Variants in ZNF624 observed in about 807,000 individuals in gnomAD.
ZNF624 encodes zinc finger protein 624.
A neutral mutation model predicts 74.7 loss-of-function variants in ZNF624; 43 were observed. The ratio of observed to expected loss-of-function variants is 0.58; its 90% CI spans 0.45 to 0.74. ZNF624 has a LOEUF of 0.74. ZNF624 is among the 30% of genes least tolerant of loss of function. The pLI, the probability that ZNF624 is intolerant of heterozygous loss-of-function variation, is 0.00. For synonymous variants in ZNF624, 331 were observed against 341.3 expected, an observed-to-expected ratio of 0.97 and a Z score of 0.33; for missense variants, 820 against 1,030.0, an observed-to-expected ratio of 0.80 and a Z score of 2.79.
Position 16,624,342 on chromosome 17 carries a change from G to T in ZNF624, c.544C>A (p.Gln182Lys), listed in dbSNP as rs1279572216. 6.2e-7 allele frequency: 1 copy of T among 1,613,582 alleles called. No individual in the cohort carries two copies. The highest frequency in any genetic ancestry group is 2.2e-5 in the East Asian group (1 of 44,862). The change falls in exon 6 of 6, where the codon CAG becomes AAG. Residue 182 changes from glutamine (Q) to lysine (K), a missense_variant. Transcript: ENST00000311331. Reference protein sequence around the residue: ...NDRILRLQNNQENHLSQRIIP... With the variant: ...NDRILRLQNNKENHLSQRIIP... Reference sequence around the variant, plus strand: ...ATTCTTTGACTCAAATGATTCTCCTGATTATTTTGTAATCTCAATATCCTA... The same window carrying T: ...ATTCTTTGACTCAAATGATTCTCCTTATTATTTTGTAATCTCAATATCCTA...
rs1376692894 is a variant in ZNF624 at position 16,634,663 on chromosome 17, T to C, written c.247A>G (p.Met83Val). Reference sequence around the variant, plus strand: ...ACCAGATTCCTGTAATTCTCTAGCATCACATCCTTGTGCAGGTTCCTCTGT... The same window carrying C: ...ACCAGATTCCTGTAATTCTCTAGCACCACATCCTTGTGCAGGTTCCTCTGT... ...PTQRNLHKDV[M>V]LENYRNLVSL... Residue 83 changes from methionine to valine, a missense_variant, in exon 4 of 6, where the codon ATG becomes GTG. Physicochemically the swap from Met to Val is conservative, Grantham distance 21. Transcript: ENST00000311331. 6.2e-7 allele frequency: 1 copy of C among 1,613,816 alleles called. No homozygotes were observed. The highest frequency in any genetic ancestry group is 8.5e-7 in the Non-Finnish European group (1 of 1,179,778).
rs1325009913 is a variant in ZNF624, at chr17:16,624,514, G to A, written c.377-5C>T. ...TTGCAGGTTTGGGCTCCATGTCTGG[G>A]GCAAAAAAGAGAAAAATCAAGTAAT... On this transcript the variant is annotated splice_polypyrimidine_tract_variant and splice_region_variant and intron_variant, in intron 5 of 5. Transcript: ENST00000311331. The A allele has an allele frequency of 6.5e-7, 1 of 1,543,096 alleles. No individual in the cohort carries two copies. Among genetic ancestry groups the A allele is most frequent in the Admixed American group, 2.3e-5 (1 of 44,300 alleles).
downstream of ZNF624, among the ~76,000 whole-genome samples, chr17:16,615,790 GC>G (rs746662297): frequency 2.0e-5 from 3 of 151,600 alleles, no homozygotes; most frequent in Admixed American, 1.3e-4. Flanking sequence ...GTGCAATAAA[GC>G]AAGAAAAAAG....
intron 5 of ZNF624, among the ~76,000 whole-genome samples, chr17:16,632,550 T>A (rs1360224596): frequency 6.6e-6 from 1 of 152,246 alleles, no homozygotes; most frequent in Non-Finnish European, 1.5e-5. Flanking sequence ...CTCTTTTAAG[T>A]ATAAATAATA....
chr17:16,616,512 A>G (rs1295381111), downstream of ZNF624, among the ~76,000 whole-genome samples: 3 of 152,240 alleles, frequency 2.0e-5, no homozygotes, highest in Admixed American at 6.5e-5. Flanking sequence ...AAATAAAACA[A>G]CAAAAAAACC....
chr17:16,640,131 T>C (rs1296486594), intron 3 of ZNF624, among the ~76,000 whole-genome samples: 1 of 152,070 alleles, frequency 6.6e-6, no homozygotes, highest in African/African-American at 2.4e-5. Context: ...ATAACTGAAA[T>C]AAATGTACCA....
downstream of ZNF624, among the ~76,000 whole-genome samples, chr17:16,620,446 G>A (rs569103626): frequency 6.6e-6 from 1 of 152,338 alleles, no homozygotes; most frequent in South Asian, 2.1e-4. Flanking sequence ...CATGTTGAAA[G>A]TGGAACTTCT....
At chr17:16,615,066 G>C in the ZNF624 span, among the ~76,000 whole-genome samples, 1 of 152,064 alleles carries the variant, frequency 6.6e-6, no homozygotes, top group Non-Finnish European at 1.5e-5. Flanking sequence ...GTGGGGAATG[G>C]AGAGTCATTG....
intron 3 of ZNF624, among the ~76,000 whole-genome samples, chr17:16,640,534 A>G (rs1402648031): frequency 6.6e-6 from 1 of 152,176 alleles, no homozygotes; most frequent in African/African-American, 2.4e-5. Context: ...GAAAAAAAAG[A>G]GAGAAGACAC....
intron 3 of ZNF624, among the ~76,000 whole-genome samples, chr17:16,641,199 T>C (rs1909457913): frequency 6.6e-6 from 1 of 152,228 alleles, no homozygotes; most frequent in Non-Finnish European, 1.5e-5. Flanking sequence ...GCCTCATACT[T>C]AATGGTAAAC....
chr17:16,622,265 C>T lies in ZNF624; in HGVS notation c.*23G>A. ...AAGATTCATCTTGTGGAGTTGACAT[C>T]TAGGTGAATGACTTATTGTTCTTTA... On this transcript the variant is annotated 3_prime_UTR_variant, in exon 6 of 6. Transcript: ENST00000311331. 6.7e-7 allele frequency: 1 copy of T among 1,498,758 alleles called. No individual in the cohort carries two copies. The highest frequency in any genetic ancestry group is 1.4e-5 in the South Asian group (1 of 71,020). The allele number at this position is 1,498,758 out of a possible 1,614,324, so 92.8% of individuals were successfully genotyped here. A position where few individuals can be genotyped will look rare whatever the true frequency, so the allele number is the denominator to read the frequency against.
the ZNF624 span, among the ~76,000 whole-genome samples, chr17:16,615,062 A>T: frequency 4.6e-5 from 7 of 152,084 alleles, no homozygotes; most frequent in African/African-American, 1.7e-4. Context: ...TGAAGTGGGG[A>T]ATGGAGAGTC....
downstream of ZNF624, among the ~76,000 whole-genome samples, chr17:16,620,223 AG>A (rs1908874078): frequency 6.6e-6 from 1 of 152,290 alleles, no homozygotes; most frequent in East Asian, 1.9e-4. Context: ...TTCTGGTATC[AG>A]GGACACAGCT....
downstream of ZNF624, among the ~76,000 whole-genome samples, chr17:16,615,804 G>A (rs1908780310): frequency 6.6e-6 from 1 of 151,692 alleles, no homozygotes; most frequent in African/African-American, 2.4e-5. Context: ...GAAAAAAGTG[G>A]TATGAGGATT....
At chr17:16,632,210 C>G (rs1909223614) in intron 5 of ZNF624, among the ~76,000 whole-genome samples, 1 of 152,208 alleles carries the variant, frequency 6.6e-6, no homozygotes, top group Non-Finnish European at 1.5e-5. Context: ...CTCCACCTTT[C>G]TCAGTATTAC....
At chr17:16,641,801 G>C (rs2142633536) in intron 3 of ZNF624, among the ~76,000 whole-genome samples, 1 of 152,276 alleles carries the variant, frequency 6.6e-6, no homozygotes, top group East Asian at 1.9e-4. Flanking sequence ...ACCTAGTTCA[G>C]CAAGGTTCAG....
rs62072859 is a variant in ZNF624, at chr17:16,624,043, G to A, written c.843C>T (p.Cys281=). 100,708 of 1,613,598 alleles carry A rather than the reference G, an allele frequency of 0.062. 3,539 individuals are homozygous for A. Among genetic ancestry groups the A allele is most frequent in the Middle Eastern group, 0.085 (515 of 6,062 alleles). ...ATGATCTATAATGAAAGGCCTTTTC[G>A]CATGTACTACATTTGTAGGGTTTTT... ...NKEKPYKCST[C]EKAFHYRSLL... is the part of the protein sequence containing the mutation. The change falls in exon 6 of 6, where the codon TGC becomes TGT. Residue 281 remains cysteine (C), a synonymous_variant. Transcript: ENST00000311331.
chr17:16,649,818 G>A, intron 1 of ZNF624, 72 bp from the exon 2 acceptor site: 2 of 1,235,156 alleles, frequency 1.6e-6, no homozygotes, highest in Non-Finnish European at 2.4e-6. Context: ...TTGGAATCCT[G>A]ACATACAAGT....
downstream of ZNF624, among the ~76,000 whole-genome samples, chr17:16,620,532 C>T (rs867741076): frequency 3.3e-5 from 5 of 152,272 alleles, no homozygotes; most frequent in South Asian, 2.1e-4. Context: ...TTTCATCTAT[C>T]TGGAATTTCT....
Sources: allele counts gnomAD v4.1 joint callset (sites outside exome capture counted in the v4.1 genomes callset), GRCh38; gene constraint gnomAD v4.1.1; transcripts MANE v1.5; gene names NCBI Gene and HGNC (gene_info 2026-07-23, HGNC 2026-07-21).